RAB11FIP4: variants seen among roughly 807,000 people sequenced by gnomAD.
RAB11FIP4 encodes the protein rab11 family-interacting protein 4.
RAB11FIP4 carries 23 observed loss-of-function variants against 74.3 expected under a neutral mutation model. The observed-to-expected ratio is 0.31, with a 90% CI of 0.22 to 0.44. RAB11FIP4 has a LOEUF of 0.44. Among genes scored for constraint, RAB11FIP4 ranks in the 20% least tolerant of loss-of-function variants. RAB11FIP4 has a pLI of 1.00. For missense variants in RAB11FIP4, 630 were observed against 863.9 expected (o/e 0.73, Z 3.39); for synonymous variants, 360 against 359.9 (o/e 1.00, Z 0.00).
intron 1 of RAB11FIP4, among the ~76,000 whole-genome samples, chr17:31,410,447 C>T (rs2071082965): frequency 2.0e-5 from 3 of 152,162 alleles, no homozygotes; most frequent in South Asian, 2.1e-4. Flanking sequence ...GGTGTGGTGG[C>T]TCACGTCTGT....
intron 3 of RAB11FIP4, among the ~76,000 whole-genome samples, chr17:31,514,623 G>A (rs78697632): frequency 0.016 from 2,471 of 152,336 alleles, 65 homozygotes; most frequent in African/African-American, 0.057. Context: ...GCCACAGGGC[G>A]GGCATTCCCA....
chr17:31,439,960 T>C (rs1000135430), intron 3 of RAB11FIP4, among the ~76,000 whole-genome samples: 1 of 152,170 alleles, frequency 6.6e-6, no homozygotes, highest in African/African-American at 2.4e-5. Context: ...ATCCTGATTA[T>C]CAATCTTTAT....
intron 9 of RAB11FIP4, chr17:31,524,821 GC>G: frequency 1.8e-6 from 1 of 541,392 alleles, no homozygotes; most frequent in Non-Finnish European, 3.3e-6. Flanking sequence ...AGGTGTGGCT[GC>G]AGGGACTGGT....
At chr17:31,528,013 C>A (rs902301128) in intron 11 of RAB11FIP4, 90 bp downstream of exon 11, 5 of 1,002,052 alleles carry the variant, frequency 5.0e-6, no homozygotes, top group Non-Finnish European at 5.9e-6. Context: ...AATGCCGCAC[C>A]CCCTAAGAAA....
At position 31,407,040 on chromosome 17, in the gene RAB11FIP4, A is replaced by ATTTTTTTT. The variant is rs59919036; in HGVS notation, c.159+15051_159+15058dup. Among the ~76,000 whole-genome samples the ATTTTTTTT allele has an allele frequency of 2.6e-3, 132 of 51,214 alleles. 15 individuals are homozygous for ATTTTTTTT. The highest frequency in any genetic ancestry group is 3.0e-3 in the Non-Finnish European group (85 of 28,800). The allele number at this position is 51,214 out of a possible 152,430, so 33.6% of individuals were successfully genotyped here. A position where few individuals can be genotyped will look rare whatever the true frequency, so the allele number is the denominator to read the frequency against. On this transcript the variant is annotated intron_variant, in intron 1 of 14. Transcript: ENST00000621161. Reference sequence around the variant, plus strand: ...CACATTTGTTTTTTTGTTTCACTTGATTTTTTTTTTTTTTTTTTTTTTTTT... The same window carrying ATTTTTTTT: ...CACATTTGTTTTTTTGTTTCACTTGATTTTTTTTTTTTTTTTTTTTTTTTTTTTTTTTT...
intron 1 of RAB11FIP4, among the ~76,000 whole-genome samples, chr17:31,414,664 C>G (rs1308284132): frequency 6.6e-6 from 1 of 152,144 alleles, no homozygotes; most frequent in African/African-American, 2.4e-5. Flanking sequence ...GGCCTGGGTA[C>G]CATGTCACTG....
chr17:31,521,422 C>T, intron 5 of RAB11FIP4, 62 bp downstream of exon 5: 1 of 1,462,486 alleles, frequency 6.8e-7, no homozygotes, highest in East Asian at 2.4e-5. Context: ...TTAAGCACAT[C>T]CTAGGGGGTG....
At chr17:31,474,943 A>G (rs376183144) in intron 3 of RAB11FIP4, among the ~76,000 whole-genome samples, 2 of 152,014 alleles carry the variant, frequency 1.3e-5, no homozygotes, top group East Asian at 3.9e-4. Flanking sequence ...TAAGATGAGG[A>G]CCCGTGACAC....
In RAB11FIP4 at chr17:31,530,312, CCTT is replaced by C. The variant is rs778384960; in HGVS notation, c.1654-11_1654-9del. ...CTCTTGGGGTTGATGTCGCCTTCGT[CCTT>C]CTCTCTGTAGGAGAATTATAAGCTG... On this transcript the variant is annotated splice_polypyrimidine_tract_variant and intron_variant, in intron 13 of 14. Transcript: ENST00000621161. 622 of 1,613,094 alleles carry C rather than the reference CCTT, an allele frequency of 3.9e-4. 2 individuals are homozygous for C. Among genetic ancestry groups the C allele is most frequent in the Admixed American group, 1.3e-3 (79 of 60,000 alleles).
At chr17:31,505,686 A>G (rs2072334288) in intron 3 of RAB11FIP4, among the ~76,000 whole-genome samples, 1 of 77,120 alleles carries the variant, frequency 1.3e-5, no homozygotes, top group East Asian at 2.3e-4. Context: ...TTATTATAAT[A>G]TATAATAATT....
intron 3 of RAB11FIP4, 76 bp from the exon 4 acceptor site, chr17:31,517,575 C>T: frequency 7.2e-7 from 1 of 1,390,818 alleles, no homozygotes; most frequent in Non-Finnish European, 1.0e-6. Context: ...CTGGCTGATG[C>T]CCTTGTGGTC....
chr17:31,536,894 C>A lies in RAB11FIP4; in HGVS notation c.*5162C>A. ...TGGGGAAGTATAATGTCACCATGCT[C>A]ACCAGGCGAGGTTTCCCATATGACC... On this transcript the variant is annotated 3_prime_UTR_variant, in exon 15 of 15. Coordinates refer to ENST00000621161, the MANE Select transcript of RAB11FIP4 (RefSeq NM_032932.6). 1 of 398,400 alleles carries A rather than the reference C, an allele frequency of 2.5e-6. No homozygotes were observed. 24.7% of individuals were successfully genotyped at this position (398,400 alleles called of 1,614,324 possible).
intron 3 of RAB11FIP4, among the ~76,000 whole-genome samples, chr17:31,476,734 G>A (rs965580037): frequency 7.9e-5 from 12 of 152,226 alleles, no homozygotes; most frequent in African/African-American, 2.9e-4. Flanking sequence ...CAGTTTCTAC[G>A]TGAACACAGA....
chr17:31,436,837 G>C (rs1567655218), intron 3 of RAB11FIP4, among the ~76,000 whole-genome samples: 1 of 151,248 alleles, frequency 6.6e-6, no homozygotes, highest in Admixed American at 6.6e-5. Flanking sequence ...GCCCAGGCTG[G>C]AGTGCAGTGG....
At chr17:31,488,155 C>T (rs1348217556) in intron 3 of RAB11FIP4, 2 of 1,060,516 alleles carry the variant, frequency 1.9e-6, no homozygotes, top group East Asian at 6.8e-5. Context: ...GCGATTGTTC[C>T]TGCGCTTCGG....
intron 3 of RAB11FIP4, among the ~76,000 whole-genome samples, chr17:31,455,708 C>T (rs977795150): frequency 6.6e-6 from 1 of 152,160 alleles, no homozygotes; most frequent in Non-Finnish European, 1.5e-5. Flanking sequence ...ACTGCCTTAT[C>T]GAGCCCAGCC....
chr17:31,487,800 G>T (rs959543433), intron 3 of RAB11FIP4, among the ~76,000 whole-genome samples: 5 of 152,068 alleles, frequency 3.3e-5, no homozygotes, highest in Non-Finnish European at 5.9e-5. Context: ...AGCCAGGGCT[G>T]CCCTGAGCTG....
intron 3 of RAB11FIP4, among the ~76,000 whole-genome samples, chr17:31,516,709 C>T (rs2072556439): frequency 6.6e-6 from 1 of 152,234 alleles, no homozygotes; most frequent in African/African-American, 2.4e-5. Context: ...ACCTCGTGAT[C>T]TGCCCGCCTT....
In RAB11FIP4 at chr17:31,420,871, G is replaced by A. The variant is rs535656307; in HGVS notation, c.160-10942G>A. Among the ~76,000 whole-genome samples the A allele has an allele frequency of 6.8e-4, 103 of 152,176 alleles. 2 individuals carry two copies. In the South Asian group the frequency reaches 0.02, roughly 30 times the overall value. On this transcript the variant is annotated intron_variant, in intron 1 of 14. Transcript: ENST00000621161. ...GGCCGAAGGGGGTGGATCACCTGAGGTCGAGAGTTCAAGCCCAGCCTGACC... is the reference window on the plus strand; with the variant it reads ...GGCCGAAGGGGGTGGATCACCTGAGATCGAGAGTTCAAGCCCAGCCTGACC...
Sources: gnomAD v4.1 joint callset for allele counts (sites outside exome capture counted in the v4.1 genomes callset) on GRCh38, gnomAD v4.1.1 for gene constraint, MANE v1.5 for transcripts, NCBI Gene and HGNC (gene_info 2026-07-23, HGNC 2026-07-21) for gene names.